COL22A1: variants seen among roughly 807,000 people sequenced by gnomAD.
The protein encoded by COL22A1 is collagen type XXII alpha 1 chain.
Under a neutral mutation model 248.9 loss-of-function variants are expected in COL22A1, and 221 were observed. The ratio of observed to expected loss-of-function variants is 0.89; its 90% CI spans 0.80 to 0.99. The LOEUF (loss-of-function observed/expected upper bound fraction) is 0.99, where lower values mean the gene tolerates loss of function less well. COL22A1 is among the 50% of genes least tolerant of loss of function. COL22A1 has a pLI of 0.00. For synonymous variants in COL22A1, 891 were observed against 793.4 expected, an observed-to-expected ratio of 1.12 and a Z score of -2.07; for missense variants, 2,240 against 2,179.0, an observed-to-expected ratio of 1.03 and a Z score of -0.56.
intron 45 of COL22A1, among the ~76,000 whole-genome samples, chr8:138,654,081 G>A (rs1023560767): frequency 6.6e-6 from 1 of 152,172 alleles, no homozygotes; most frequent in South Asian, 2.1e-4. Context: ...CTATGGCCGT[G>A]AGGAATGATG....
chr8:138,806,918 G>A (rs1431074416), intron 10 of COL22A1, among the ~76,000 whole-genome samples: 1 of 152,180 alleles, frequency 6.6e-6, no homozygotes, highest in Non-Finnish European at 1.5e-5. Flanking sequence ...CGAGACTCAG[G>A]CATGTGACGG....
At chr8:138,861,844 G>A (rs559783528) in intron 3 of COL22A1, among the ~76,000 whole-genome samples, 24 of 152,206 alleles carry the variant, frequency 1.6e-4, no homozygotes, top group South Asian at 4.1e-4. Flanking sequence ...TCATCAAGCC[G>A]TACAGTTAAG....
At chr8:138,651,285 C>T (rs922269888) in intron 45 of COL22A1, among the ~76,000 whole-genome samples, 2 of 152,274 alleles carry the variant, frequency 1.3e-5, no homozygotes, top group Middle Eastern at 6.8e-3. Context: ...CATCCTCTCT[C>T]CACCAGGCAA....
intron 26 of COL22A1, 98 bp from the exon 27 acceptor site, chr8:138,720,890 G>T: frequency 1.0e-6 from 1 of 981,848 alleles, no homozygotes; most frequent in Non-Finnish European, 1.6e-6. Flanking sequence ...AGAACTACCT[G>T]CACTCGGGTG....
chr8:138,636,856 T>C, intron 47 of COL22A1, 61 bp from the exon 48 acceptor site: 3 of 1,329,368 alleles, frequency 2.3e-6, no homozygotes, highest in Non-Finnish European at 3.2e-6. Flanking sequence ...AAAACAAAAA[T>C]CATTTTCATG....
chr8:138,786,612 A>G lies in COL22A1; in HGVS notation c.1597-5632T>C, dbSNP rs114883199. On this transcript the variant is annotated intron_variant, in intron 12 of 64. Transcript: ENST00000303045. ...ATCAGCTGCCCATAGCATCTTTGAA[A>G]TGAGAAAGTTAGGCTGGGCACAGTG... 1.6e-3 allele frequency among the ~76,000 whole-genome samples: 249 copies of G among 152,336 alleles called. 1 individual carries two copies. The highest frequency in any genetic ancestry group is 5.8e-3 in the African/African-American group (241 of 41,584).
At chr8:138,704,541 C>G (rs1828247694) in intron 30 of COL22A1, among the ~76,000 whole-genome samples, 1 of 152,104 alleles carries the variant, frequency 6.6e-6, no homozygotes, top group South Asian at 2.1e-4. Flanking sequence ...CAGAAAACTT[C>G]AACAGACCTG....
chr8:138,755,698 G>A (rs191623166), intron 19 of COL22A1, 87 bp downstream of exon 19: 59 of 1,433,508 alleles, frequency 4.1e-5, no homozygotes, highest in East Asian at 1.8e-4. Flanking sequence ...TTGGAAGAGC[G>A]TTGCCTTATT....
chr8:138,645,403 GTC>G (rs1468074842), intron 47 of COL22A1, among the ~76,000 whole-genome samples: 1 of 152,266 alleles, frequency 6.6e-6, no homozygotes, highest in Middle Eastern at 3.4e-3. Flanking sequence ...CAGGCATAGT[GTC>G]TATTCTGCCC....
chr8:138,710,588 AATCT>A (rs71316357), intron 30 of COL22A1, among the ~76,000 whole-genome samples: 1 of 129,370 alleles, frequency 7.7e-6, no homozygotes, highest in South Asian at 2.5e-4. Flanking sequence ...CAATGCCCAT[AATCT>A]ATCTATCTAT....
chr8:138,871,453 T>C (rs1410646358), intron 3 of COL22A1, among the ~76,000 whole-genome samples: 1 of 152,196 alleles, frequency 6.6e-6, no homozygotes, highest in African/African-American at 2.4e-5. Context: ...TTTCACACCA[T>C]TCCAAGATCA....
chr8:138,793,285 T>C (rs1366916825), intron 12 of COL22A1, among the ~76,000 whole-genome samples: 1 of 152,148 alleles, frequency 6.6e-6, no homozygotes, highest in Non-Finnish European at 1.5e-5. Flanking sequence ...CTACCCTCTC[T>C]AGACGCTATC....
intron 45 of COL22A1, among the ~76,000 whole-genome samples, chr8:138,650,841 T>C (rs1822662318): frequency 6.6e-6 from 1 of 152,196 alleles, no homozygotes; most frequent in Non-Finnish European, 1.5e-5. Flanking sequence ...TCACCTACTA[T>C]GTGTCAGGCA....
intron 47 of COL22A1, among the ~76,000 whole-genome samples, chr8:138,640,621 G>C (rs1034666564): frequency 7.9e-5 from 12 of 152,058 alleles, no homozygotes; most frequent in Non-Finnish European, 1.8e-4. Flanking sequence ...TTTTCTTTCA[G>C]TCGTTTACTC....
At position 138,910,068 on chromosome 8, in the gene COL22A1, C is replaced by T. The variant is rs558729239; in HGVS notation, c.-73+3551G>A. Among the ~76,000 whole-genome samples, 15 of 152,294 alleles carry T rather than the reference C, an allele frequency of 9.8e-5. No homozygotes were observed. The East Asian group carries it at 1.4e-3, about 14-fold the overall frequency. On this transcript the variant is annotated intron_variant, in intron 1 of 64. Transcript: ENST00000303045. Reference sequence around the variant, plus strand: ...AGGAATGTGAAGAAGCAATACAAAACGAAACTCCAGTAACACCACAAAGCA... The same window carrying T: ...AGGAATGTGAAGAAGCAATACAAAATGAAACTCCAGTAACACCACAAAGCA...
chr8:138,594,329 C>T (rs949656791), intron 62 of COL22A1, 130 bp from the exon 63 acceptor site: 2 of 741,602 alleles, frequency 2.7e-6, no homozygotes, highest in African/African-American at 1.9e-5. Context: ...GACAGGATGG[C>T]TACTCACTGA....
At chr8:138,875,017 A>T (rs1339745050) in intron 3 of COL22A1, among the ~76,000 whole-genome samples, 1 of 152,106 alleles carries the variant, frequency 6.6e-6, no homozygotes, top group African/African-American at 2.4e-5. Flanking sequence ...TAAAACCTTC[A>T]TCAGAGTCTC....
In COL22A1 at chr8:138,690,881, A is replaced by G. The variant is rs1826792671; in HGVS notation, c.2755-7T>C. The G allele has an allele frequency of 6.2e-7, 1 of 1,605,252 alleles. No individual in the cohort carries two copies. The highest frequency in any genetic ancestry group is 1.7e-5 in the Admixed American group (1 of 58,714). On this transcript the variant is annotated splice_region_variant and splice_polypyrimidine_tract_variant and intron_variant, in intron 35 of 64. Transcript: ENST00000303045. ...CGACATGTCCGGGAGCACCCTGTTC[A>G]GAGACAGAAGTTTAGAAAGGCCAAA...
intron 10 of COL22A1, among the ~76,000 whole-genome samples, chr8:138,805,014 GTGGTGTGTGTGTGATAGTGTGTGTGA>G (rs1817364189): frequency 7.7e-6 from 1 of 129,978 alleles, no homozygotes; most frequent in African/African-American, 3.2e-5. Context: ...ATGGTGTGTG[GTGGTGTGTGTGTGATAGTGTGTGTGA>G]TGGTGTGTGT....
Sources: gnomAD v4.1 joint callset for allele counts (sites outside exome capture counted in the v4.1 genomes callset) on GRCh38, gnomAD v4.1.1 for gene constraint, MANE v1.5 for transcripts, NCBI Gene and HGNC (gene_info 2026-07-23, HGNC 2026-07-21) for gene names.